The following FAM193B variants were observed in gnomAD, a reference collection of about 807,000 sequenced individuals.
FAM193B encodes protein FAM193B.
Under a neutral mutation model 70.7 loss-of-function variants are expected in FAM193B, and 27 were observed. That is an observed-to-expected ratio of 0.38 (90% confidence interval 0.28 to 0.53). The LOEUF is 0.53. Ranked by LOEUF, FAM193B falls within the 20% of genes least tolerant of loss-of-function variation. The pLI, the probability that FAM193B is intolerant of heterozygous loss-of-function variation, is 0.81. For missense variants in FAM193B, 1,022 were observed against 1,072.5 expected, an observed-to-expected ratio of 0.95 and a Z score of 0.66; for synonymous variants, 448 against 436.0, an observed-to-expected ratio of 1.03 and a Z score of -0.34.
chr5:177,525,107 C>G lies in FAM193B; in HGVS notation c.1374G>C (p.Glu458Asp). ...EPRPARERLL[E>D]WPDRELDRVN... ...CCCGATCCAGTTCCCGGTCGGGCCA[C>G]TCCAAGAGCCTCTCCCTGGCAGGCC... Residue 458 changes from glutamate (E) to aspartate (D), a missense_variant, in exon 6 of 9, where the codon GAG becomes GAC. By Grantham distance (45) the Glu-to-Asp change is conservative. Coordinates refer to ENST00000514747, the MANE Select transcript of FAM193B (RefSeq NM_001190946.3). 6.3e-7 allele frequency: 1 copy of G among 1,582,346 alleles called. No individual in the cohort carries two copies. The highest frequency in any genetic ancestry group is 1.7e-4 in the Middle Eastern group (1 of 5,920).
At chr5:177,529,504 C>T (rs1763134916) in intron 5 of FAM193B, among the ~76,000 whole-genome samples, 1 of 152,120 alleles carries the variant, frequency 6.6e-6, no homozygotes, top group Non-Finnish European at 1.5e-5. Context: ...AAAGGCAGGG[C>T]TGCCTGGTTC....
At chr5:177,548,864 C>T (rs1009813334) in intron 1 of FAM193B, among the ~76,000 whole-genome samples, 1 of 152,208 alleles carries the variant, frequency 6.6e-6, no homozygotes, top group Non-Finnish European at 1.5e-5. Context: ...AAAGCCTAAA[C>T]CTCTTGGTGT....
intron 4 of FAM193B, among the ~76,000 whole-genome samples, chr5:177,533,449 C>G (rs138462421): frequency 6.6e-6 from 1 of 152,008 alleles, no homozygotes; most frequent in Non-Finnish European, 1.5e-5. Context: ...GGACTACAGG[C>G]GCCCGCAACC....
At chr5:177,537,762 C>T (rs765275848) in intron 3 of FAM193B, 111 bp downstream of exon 3, 10 of 1,420,032 alleles carry the variant, frequency 7.0e-6, no homozygotes, top group East Asian at 2.5e-5. Context: ...AACAGTTCCA[C>T]TTTTACTTAT....
intron 3 of FAM193B, among the ~76,000 whole-genome samples, chr5:177,536,982 G>A (rs1200169129): frequency 6.6e-6 from 1 of 152,228 alleles, no homozygotes; most frequent in Non-Finnish European, 1.5e-5. Context: ...AAGGCCCCAT[G>A]CCTTTTCTGC....
chr5:177,549,187 CTTTTTTTTTTT>C (rs141797022), intron 1 of FAM193B, among the ~76,000 whole-genome samples: 2 of 93,024 alleles, frequency 2.1e-5, no homozygotes, highest in Admixed American at 1.2e-4. Flanking sequence ...ATTGTCTTTT[CTTTTTTTTTTT>C]TTTTTTTTTT....
At chr5:177,537,678 T>C (rs1764333819) in intron 3 of FAM193B, among the ~76,000 whole-genome samples, 195 bp downstream of exon 3, 1 of 152,206 alleles carries the variant, frequency 6.6e-6, no homozygotes, top group African/African-American at 2.4e-5. Flanking sequence ...ATTAGCAGTA[T>C]TTTTCAAGTT....
At chr5:177,553,409 A>T (rs1218383150) in intron 1 of FAM193B, 1 of 1,034,858 alleles carries the variant, frequency 9.7e-7, no homozygotes, top group Admixed American at 5.6e-5. Context: ...AAGCTTAGGG[A>T]GAGCCACCCA....
chr5:177,531,466 G>T, intron 5 of FAM193B: 1 of 1,361,622 alleles, frequency 7.3e-7, no homozygotes, highest in Non-Finnish European at 9.8e-7. Context: ...GGTCAGCCTC[G>T]AGCGGAGCTT....
Position 177,546,358 on chromosome 5 carries a change from G to C in FAM193B, c.211-7211C>G, listed in dbSNP as rs189960997. Among the ~76,000 whole-genome samples the C allele has an allele frequency of 1.6e-3, 242 of 152,360 alleles. 4 individuals are homozygous for C. Among genetic ancestry groups the C allele is most frequent in the Admixed American group, 0.015 (224 of 15,312 alleles). On this transcript the variant is annotated intron_variant, in intron 1 of 8. Coordinates refer to ENST00000514747, the MANE Select transcript of FAM193B (RefSeq NM_001190946.3). ...GTAGAATGTGAGCCCTCTGGGGGCA[G>C]TGTGTGGACCTTGGTCATTTAAGTA...
At chr5:177,554,205 G>A (rs1402957933) in intron 1 of FAM193B, 44 bp downstream of exon 1, 2 of 1,486,036 alleles carry the variant, frequency 1.3e-6, no homozygotes, top group South Asian at 1.2e-5. Context: ...GCTCGGGGAA[G>A]GTGAAAGCGC....
chr5:177,522,836 TC>T (rs1761971739), intron 7 of FAM193B: 2 of 152,570 alleles, frequency 1.3e-5, no homozygotes. Context: ...TGCCTCAGCT[TC>T]CCAAGTAGCT....
chr5:177,538,889 G>A lies in FAM193B; in HGVS notation c.453+16C>T. On this transcript the variant is annotated intron_variant, in intron 2 of 8. Transcript: ENST00000514747. This position sits in a 1 kb window ranked among gnomAD's most constrained non-coding sequence, Gnocchi z 4.1. Reference sequence around the variant, plus strand: ...AGCCCTCCTGCATTCAGGGACCCCTGTCAGCGGTTACCTACCGCCACTGCA... The same window carrying A: ...AGCCCTCCTGCATTCAGGGACCCCTATCAGCGGTTACCTACCGCCACTGCA... The A allele has an allele frequency of 6.2e-7, 1 of 1,612,888 alleles. No homozygotes were observed.
Position 177,519,968 on chromosome 5 carries a change from G to A in FAM193B, c.*215C>T, listed in dbSNP as rs1230728064. On this transcript the variant is annotated 3_prime_UTR_variant, in exon 9 of 9. Coordinates refer to ENST00000514747, the MANE Select transcript of FAM193B (RefSeq NM_001190946.3). ...GGCCAGCCCAGTCCACGGGCTCTGA[G>A]TGTGGAGGCTGCGTAGCACCAGGAA... The A allele has an allele frequency of 6.6e-6, 1 of 152,392 alleles. No individual in the cohort carries two copies. Among genetic ancestry groups the A allele is most frequent in the Non-Finnish European group, 1.5e-5 (1 of 68,138 alleles). The allele number at this position is 152,392 out of a possible 1,614,324, so 9.4% of individuals were successfully genotyped here.
intron 1 of FAM193B, chr5:177,553,932 G>T: frequency 8.1e-7 from 1 of 1,228,300 alleles, no homozygotes; most frequent in Non-Finnish European, 1.0e-6. Context: ...GGCCGAGAGC[G>T]GAGCTGCGGC....
intron 1 of FAM193B, among the ~76,000 whole-genome samples, chr5:177,541,754 C>T (rs1242558314): frequency 1.3e-5 from 2 of 152,184 alleles, no homozygotes; most frequent in Non-Finnish European, 2.9e-5. Context: ...GCACAATATA[C>T]AGTCATCCCT....
At chr5:177,535,886 A>C (rs1764103830) in intron 4 of FAM193B, among the ~76,000 whole-genome samples, 1 of 150,672 alleles carries the variant, frequency 6.6e-6, no homozygotes, top group Admixed American at 6.7e-5. Flanking sequence ...AAGTTAAAAC[A>C]AAACAAAACA....
rs1302542831 is a variant in FAM193B at position 177,538,989 on chromosome 5, G to A, written c.369C>T (p.Gly123=). 7 of 1,613,984 alleles carry A rather than the reference G, an allele frequency of 4.3e-6. No homozygotes were observed. Among genetic ancestry groups the A allele is most frequent in the South Asian group, 1.1e-5 (1 of 91,088 alleles). ...FMPKLVKNLL[G]EMPLWVCQSC... The stretch of plus-strand genomic sequence containing the variant: ...TCTGGCAGACCCACAGAGGCATCTC[G>A]CCTAGGAGATTCTTGACGAGCTTTG... Residue 123 remains glycine, a synonymous_variant, in exon 2 of 9, where the codon GGC becomes GGT. Coordinates refer to ENST00000514747, the MANE Select transcript of FAM193B (RefSeq NM_001190946.3). This position sits in a 1 kb window ranked among gnomAD's most constrained non-coding sequence, Gnocchi z 4.1.
intron 1 of FAM193B, among the ~76,000 whole-genome samples, chr5:177,541,001 A>G (rs761879811): frequency 2.6e-5 from 4 of 152,232 alleles, no homozygotes; most frequent in Non-Finnish European, 5.9e-5. Context: ...CTCAAAAAAG[A>G]AAGGAACCAA....
Sources: allele counts gnomAD v4.1 joint callset (sites outside exome capture counted in the v4.1 genomes callset), GRCh38; gene constraint gnomAD v4.1.1; non-coding constraint Gnocchi (gnomAD v3.1); transcripts MANE v1.5; gene names NCBI Gene and HGNC (gene_info 2026-07-23, HGNC 2026-07-21).